NRXN3: variants seen among roughly 807,000 people sequenced by gnomAD.
The protein encoded by NRXN3 is neurexin 3.
NRXN3 carries 32 observed loss-of-function variants against 137.6 expected under a neutral mutation model. That is an observed-to-expected ratio of 0.23 (90% CI 0.18 to 0.31). The LOEUF (loss-of-function observed/expected upper bound fraction) is 0.31, where lower values mean the gene tolerates loss of function less well. Among genes scored for constraint, NRXN3 ranks in the 10% least tolerant of loss-of-function variants. The probability of loss-of-function intolerance (pLI) is 1.00; values close to 1 mark genes in which losing one functional copy is unlikely to be tolerated. For synonymous variants in NRXN3, 798 were observed against 784.5 expected (o/e 1.02, Z -0.29); for missense variants, 1,574 against 2,062.5 (o/e 0.76, Z 4.59).
intron 8 of NRXN3, among the ~76,000 whole-genome samples, chr14:78,761,920 A>G (rs745608780): frequency 3.7e-4 from 56 of 152,274 alleles, no homozygotes; most frequent in Middle Eastern, 6.8e-3. Flanking sequence ...TTTTGTGTAT[A>G]TTGTCTCATT....
Position 79,699,197 on chromosome 14 carries a change from A to G in NRXN3, c.4014+1260A>G, listed in dbSNP as rs533162730. 1.3e-3 allele frequency among the ~76,000 whole-genome samples: 205 copies of G among 152,102 alleles called. 2 individuals carry two copies. The highest frequency in any genetic ancestry group is 4.5e-3 in the African/African-American group (186 of 41,548). ...ACCTACACACATGCTCACGAGAAAAAAAATAGCTCTTCTCTACTGATATTA... is the reference window on the plus strand; with the variant it reads ...ACCTACACACATGCTCACGAGAAAAGAAATAGCTCTTCTCTACTGATATTA... On this transcript the variant is annotated intron_variant, in intron 19 of 20. Coordinates refer to ENST00000335750, the MANE Select transcript of NRXN3 (RefSeq NM_001330195.2).
At chr14:79,318,474 T>TA (rs933406437) in intron 15 of NRXN3, among the ~76,000 whole-genome samples, 23 of 152,196 alleles carry the variant, frequency 1.5e-4, no homozygotes, top group African/African-American at 5.5e-4. Context: ...AGGAATGTTA[T>TA]AAAAAACCAT....
At chr14:78,197,438 G>A (rs2061331538) in intron 1 of NRXN3, among the ~76,000 whole-genome samples, 1 of 152,210 alleles carries the variant, frequency 6.6e-6, no homozygotes, top group South Asian at 2.1e-4. Context: ...ACCCTCCTGT[G>A]CAGCAATTGG....
chr14:79,564,861 T>C (rs1204596549), intron 16 of NRXN3, among the ~76,000 whole-genome samples: 1 of 152,056 alleles, frequency 6.6e-6, no homozygotes. Flanking sequence ...ACATAAGGAA[T>C]GCATTTATGT....
At chr14:78,209,795 T>C (rs561058496) in intron 1 of NRXN3, among the ~76,000 whole-genome samples, 1 of 152,234 alleles carries the variant, frequency 6.6e-6, no homozygotes, top group African/African-American at 2.4e-5. Flanking sequence ...TGCTGAGAAG[T>C]GGACTTTCCC....
At chr14:78,355,278 G>A (rs891757444) in intron 4 of NRXN3, among the ~76,000 whole-genome samples, 2 of 151,830 alleles carry the variant, frequency 1.3e-5, no homozygotes, top group African/African-American at 2.4e-5. Context: ...CTCCCTTTGA[G>A]GGAGCACAGT....
rs2094383560 is a variant in NRXN3, at chr14:78,445,163, G to A, written c.757+147303G>A. On this transcript the variant is annotated intron_variant, in intron 4 of 20. Transcript: ENST00000335750. ...GAGGGACTTGTGGGGAAATGTGGTT[G>A]CAAAGGAGACAGGAGGGAAGCTGAG... Among the ~76,000 whole-genome samples, 2 of 152,112 alleles carry A rather than the reference G, an allele frequency of 1.3e-5. 1 individual carries two copies. Among genetic ancestry groups the A allele is most frequent in the South Asian group, 4.1e-4 (2 of 4,824 alleles).
chr14:79,069,768 C>G (rs1199822047), intron 15 of NRXN3, among the ~76,000 whole-genome samples: 2 of 152,008 alleles, frequency 1.3e-5, no homozygotes, highest in Non-Finnish European at 2.9e-5. Context: ...TCATGTATAA[C>G]TGTGATGCTA....
intron 15 of NRXN3, among the ~76,000 whole-genome samples, chr14:79,041,051 T>G (rs1036946770): frequency 2.0e-5 from 3 of 152,178 alleles, no homozygotes; most frequent in Non-Finnish European, 4.4e-5. Flanking sequence ...CTGACCACTT[T>G]CTTCCTTTCT....
intron 4 of NRXN3, among the ~76,000 whole-genome samples, chr14:78,419,071 C>T (rs2093307139): frequency 6.6e-6 from 1 of 152,152 alleles, no homozygotes; most frequent in African/African-American, 2.4e-5. Context: ...AGTTACCCCT[C>T]AGCACCATCT....
chr14:78,446,624 T>C (rs17107611), intron 4 of NRXN3, among the ~76,000 whole-genome samples: 3,730 of 152,334 alleles, frequency 0.024, 128 homozygotes, highest in African/African-American at 0.081. Flanking sequence ...GTCTTCATGA[T>C]ATTCTGCAAT....
intron 15 of NRXN3, among the ~76,000 whole-genome samples, chr14:79,440,073 T>A (rs1052924118): frequency 2.6e-5 from 4 of 152,186 alleles, no homozygotes; most frequent in Non-Finnish European, 5.9e-5. Flanking sequence ...AACAAACCTT[T>A]CATAAAATAT....
chr14:78,502,721 C>A (rs562588865), intron 4 of NRXN3, among the ~76,000 whole-genome samples: 80 of 152,258 alleles, frequency 5.3e-4, no homozygotes, highest in African/African-American at 1.8e-3. Context: ...AGGGCAATTG[C>A]AAGAAATACC....
intron 20 of NRXN3, among the ~76,000 whole-genome samples, chr14:79,809,201 A>T (rs2099222432): frequency 6.6e-6 from 1 of 152,234 alleles, no homozygotes; most frequent in African/African-American, 2.4e-5. Flanking sequence ...TTTAAAATTT[A>T]TGATTTCATA....
chr14:78,585,957 G>C lies in NRXN3; in HGVS notation c.758-59163G>C, dbSNP rs192668523. Among the ~76,000 whole-genome samples, 27 of 152,316 alleles carry C rather than the reference G, an allele frequency of 1.8e-4. No homozygotes were observed. The East Asian group carries it at 5.0e-3, about 28-fold the overall frequency. The stretch of plus-strand genomic sequence containing the variant: ...CTATTTAGAGGCTTGAGACTGGATG[G>C]AAGCGTAGATAAATTGAGTGTAGCT... On this transcript the variant is annotated intron_variant, in intron 4 of 20. Coordinates refer to ENST00000335750, the MANE Select transcript of NRXN3 (RefSeq NM_001330195.2).
chr14:79,286,416 A>G (rs942120811), intron 15 of NRXN3, among the ~76,000 whole-genome samples: 1 of 151,986 alleles, frequency 6.6e-6, no homozygotes, highest in Non-Finnish European at 1.5e-5. Flanking sequence ...AATAGGCATC[A>G]GTTTAATTAT....
At chr14:78,786,643 G>C (rs1172186893) in intron 8 of NRXN3, among the ~76,000 whole-genome samples, 1 of 152,046 alleles carries the variant, frequency 6.6e-6, no homozygotes, top group East Asian at 1.9e-4. Context: ...CTTTCCTTAA[G>C]AAGTGTTGTA....
At chr14:79,532,129 G>C (rs1010746017) in intron 16 of NRXN3, among the ~76,000 whole-genome samples, 1 of 152,036 alleles carries the variant, frequency 6.6e-6, no homozygotes, top group African/African-American at 2.4e-5. Flanking sequence ...TGAAAATCTT[G>C]TGTTCTAAAG....
At chr14:78,321,879 G>T (rs1201582221) in intron 4 of NRXN3, among the ~76,000 whole-genome samples, 1 of 152,026 alleles carries the variant, frequency 6.6e-6, no homozygotes, top group East Asian at 1.9e-4. Context: ...CAGAGACCAT[G>T]TTCCTTGATA....
Sources: gnomAD v4.1 joint callset for allele counts (sites outside exome capture counted in the v4.1 genomes callset) on GRCh38, gnomAD v4.1.1 for gene constraint, MANE v1.5 for transcripts, NCBI Gene and HGNC (gene_info 2026-07-23, HGNC 2026-07-21) for gene names.